The following ASZ1 variants were observed in gnomAD, a reference collection of about 807,000 sequenced individuals.
ASZ1 encodes the protein ankyrin repeat, SAM and basic leucine zipper domain-containing protein 1.
Under a neutral mutation model 61.8 loss-of-function variants are expected in ASZ1, and 67 were observed. The observed-to-expected ratio is 1.08, with a 90% confidence interval of 0.89 to 1.33. The LOEUF is 1.33. Among genes scored for constraint, ASZ1 ranks in the 40% most tolerant of loss-of-function variants. ASZ1 has a pLI of 0.00. For synonymous variants in ASZ1, 193 were observed against 192.7 expected (o/e 1.00, Z -0.01); for missense variants, 577 against 554.5 (o/e 1.04, Z -0.41).
At chr7:117,390,326 C>G (rs1796440348) in intron 4 of ASZ1, among the ~76,000 whole-genome samples, 1 of 152,070 alleles carries the variant, frequency 6.6e-6, no homozygotes, top group Admixed American at 6.6e-5. Context: ...TGTGTCACCA[C>G]ACCTGACTAA....
intron 10 of ASZ1, among the ~76,000 whole-genome samples, chr7:117,376,291 A>G (rs1796135703): frequency 6.6e-6 from 1 of 152,178 alleles, no homozygotes; most frequent in Admixed American, 6.5e-5. Context: ...ACCATTAAAT[A>G]AATCAAATTG....
intron 4 of ASZ1, among the ~76,000 whole-genome samples, chr7:117,411,480 A>G (rs1481267684): frequency 6.6e-6 from 1 of 151,838 alleles, no homozygotes; most frequent in South Asian, 2.1e-4. Context: ...AAGCCTAACA[A>G]TATGTTAGCA....
chr7:117,364,860 A>T (rs944162394), intron 12 of ASZ1, among the ~76,000 whole-genome samples: 3 of 152,026 alleles, frequency 2.0e-5, no homozygotes, highest in African/African-American at 7.2e-5. Context: ...CCTTTTATTA[A>T]TCAATTACTT....
intron 4 of ASZ1, among the ~76,000 whole-genome samples, chr7:117,394,859 C>T (rs1300003033): frequency 6.6e-6 from 1 of 152,190 alleles, no homozygotes; most frequent in Admixed American, 6.5e-5. Flanking sequence ...TCAATAGTTC[C>T]TTTTTTCATA....
chr7:117,380,192 T>A (rs1470461332), intron 9 of ASZ1, 145 bp from the exon 10 acceptor site: 3 of 590,384 alleles, frequency 5.1e-6, no homozygotes, highest in Non-Finnish European at 8.8e-6. Context: ...CTAAAAAATA[T>A]GTTTTTCTTA....
At chr7:117,398,667 A>T (rs1437919984) in intron 4 of ASZ1, among the ~76,000 whole-genome samples, 2 of 152,190 alleles carry the variant, frequency 1.3e-5, no homozygotes, top group African/African-American at 2.4e-5. Flanking sequence ...ATTATTCTTA[A>T]ATTATTCAAT....
intron 4 of ASZ1, among the ~76,000 whole-genome samples, chr7:117,388,869 T>C (rs996744917): frequency 2.6e-5 from 4 of 152,138 alleles, no homozygotes; most frequent in African/African-American, 9.7e-5. Context: ...GACAGCATGA[T>C]GTATATAGAA....
At chr7:117,380,569 A>G (rs1796230460) in intron 9 of ASZ1, among the ~76,000 whole-genome samples, 1 of 151,682 alleles carries the variant, frequency 6.6e-6, no homozygotes, top group Non-Finnish European at 1.5e-5. Context: ...TATTTATCAA[A>G]GTGTCTCTAA....
At chr7:117,406,607 G>A (rs1796786510) in intron 4 of ASZ1, among the ~76,000 whole-genome samples, 1 of 152,086 alleles carries the variant, frequency 6.6e-6, no homozygotes, top group South Asian at 2.1e-4. Context: ...TACAAAATTA[G>A]CCAGGCGTGG....
intron 4 of ASZ1, among the ~76,000 whole-genome samples, chr7:117,414,559 C>T (rs1268795679): frequency 6.6e-6 from 1 of 151,990 alleles, no homozygotes; most frequent in South Asian, 2.1e-4. Flanking sequence ...TTGGTATACA[C>T]GTGCCATGGT....
At chr7:117,377,093 A>G (rs1796151607) in intron 10 of ASZ1, among the ~76,000 whole-genome samples, 2 of 152,218 alleles carry the variant, frequency 1.3e-5, no homozygotes, top group African/African-American at 4.8e-5. Flanking sequence ...TACAGTCGAG[A>G]CACAAAAATC....
chr7:117,377,020 A>C (rs1322467604), intron 10 of ASZ1, among the ~76,000 whole-genome samples: 1 of 152,180 alleles, frequency 6.6e-6, no homozygotes, highest in Non-Finnish European at 1.5e-5. Context: ...CTACATAGAA[A>C]ATCTCAAACA....
intron 11 of ASZ1, chr7:117,368,207 G>T: frequency 1.1e-6 from 1 of 943,814 alleles, no homozygotes; most frequent in Non-Finnish European, 1.3e-6. Context: ...GATTACGGAT[G>T]TGAGCCACTA....
chr7:117,425,557 C>G (rs576774920), intron 2 of ASZ1, among the ~76,000 whole-genome samples: 4 of 151,870 alleles, frequency 2.6e-5, no homozygotes, highest in Non-Finnish European at 4.4e-5. Flanking sequence ...CGTGAGCCAC[C>G]GCGCCCGGCC....
chr7:117,422,359 C>G lies in ASZ1; in HGVS notation c.206G>C (p.Gly69Ala). Reference sequence around the variant, plus strand: ...CTGAAAGTTGGAATCTACACTAATGCCTGTCAATATAAAAACAAGCTTTTA... The same window carrying G: ...CTGAAAGTTGGAATCTACACTAATGGCTGTCAATATAAAAACAAGCTTTTA... Reference protein sequence around the residue: ...VSLVQELLDSGISVDSNFQYG... With the variant: ...VSLVQELLDSAISVDSNFQYG... The change falls in exon 3 of 13, where the codon GGC (glycine) becomes GCC (alanine). Residue 69 changes from glycine (G) to alanine (A), a missense_variant and splice_region_variant. Physicochemically the swap from Gly to Ala is moderately conservative, Grantham distance 60. Transcript: ENST00000284629. 1.2e-6 allele frequency: 2 copies of G among 1,607,086 alleles called. No individual in the cohort carries two copies. The highest frequency in any genetic ancestry group is 1.7e-6 in the Non-Finnish European group (2 of 1,178,240).
chr7:117,382,331 A>C (rs556562009), intron 7 of ASZ1, among the ~76,000 whole-genome samples, 187 bp from the exon 8 acceptor site: 1 of 152,256 alleles, frequency 6.6e-6, no homozygotes, highest in Admixed American at 6.5e-5. Context: ...ATATATGAGG[A>C]GTATAACTCA....
intron 6 of ASZ1, among the ~76,000 whole-genome samples, chr7:117,384,373 A>C (rs149136713): frequency 8.5e-4 from 130 of 152,232 alleles, no homozygotes; most frequent in African/African-American, 2.9e-3. Flanking sequence ...TTTGAGTTAC[A>C]TGTTCAAACT....
intron 10 of ASZ1, among the ~76,000 whole-genome samples, chr7:117,371,568 T>C (rs937496127): frequency 4.6e-5 from 7 of 152,150 alleles, no homozygotes; most frequent in African/African-American, 1.7e-4. Context: ...TGATCTTTAC[T>C]CTAGAAAACA....
chr7:117,415,894 T>C (rs569058408), intron 4 of ASZ1, among the ~76,000 whole-genome samples: 10 of 151,982 alleles, frequency 6.6e-5, no homozygotes, highest in African/African-American at 2.4e-5. Flanking sequence ...ATTCAGTAGG[T>C]AAAATAAAGG....
Sources: allele counts gnomAD v4.1 joint callset (sites outside exome capture counted in the v4.1 genomes callset), GRCh38; gene constraint gnomAD v4.1.1; transcripts MANE v1.5; gene names NCBI Gene and HGNC (gene_info 2026-07-23, HGNC 2026-07-21).